The following FHIP1A variants were observed in gnomAD, a reference collection of about 807,000 sequenced individuals.
FHIP1A encodes FHF complex subunit HOOK-interacting protein 1A.
FHIP1A carries 61 observed loss-of-function variants against 88.6 expected under a neutral mutation model. The ratio of observed to expected loss-of-function variants is 0.69; its 90% CI spans 0.56 to 0.85. FHIP1A has a LOEUF of 0.85. Ranked by LOEUF, FHIP1A falls within the 40% of genes least tolerant of loss-of-function variation. FHIP1A has a pLI of 0.00. For missense variants in FHIP1A, 1,154 were observed against 1,273.5 expected (o/e 0.91, Z 1.43); for synonymous variants, 478 against 496.0 (o/e 0.96, Z 0.48).
At chr4:151,467,024 G>A (rs1020363078) in intron 2 of FHIP1A, among the ~76,000 whole-genome samples, 2 of 152,158 alleles carry the variant, frequency 1.3e-5, no homozygotes, top group Admixed American at 1.3e-4. Context: ...AAAGAAACTA[G>A]CATCAGAGTG....
At chr4:151,426,755 T>A (rs1287023704) in intron 1 of FHIP1A, among the ~76,000 whole-genome samples, 1 of 152,196 alleles carries the variant, frequency 6.6e-6, no homozygotes, top group Non-Finnish European at 1.5e-5. Flanking sequence ...CTTCCTGGCA[T>A]AGGCTGGTGG....
intron 2 of FHIP1A, among the ~76,000 whole-genome samples, chr4:151,462,325 T>A (rs1214153024): frequency 6.6e-6 from 1 of 152,146 alleles, no homozygotes; most frequent in Non-Finnish European, 1.5e-5. Context: ...GTACTTCATG[T>A]TCCGTATCTT....
chr4:151,596,942 T>G (rs1240617130), intron 7 of FHIP1A, among the ~76,000 whole-genome samples: 1 of 152,172 alleles, frequency 6.6e-6, no homozygotes, highest in Non-Finnish European at 1.5e-5. Flanking sequence ...TTTTCAAGGT[T>G]CTTAGCTTCC....
intron 7 of FHIP1A, among the ~76,000 whole-genome samples, chr4:151,603,262 A>G (rs11941034): frequency 0.28 from 43,134 of 151,548 alleles, 6,378 homozygotes; most frequent in Non-Finnish European, 0.33. Context: ...GCGGTGAGCC[A>G]AAATCGCACC....
At chr4:151,590,933 A>G (rs748047625) in intron 7 of FHIP1A, among the ~76,000 whole-genome samples, 1 of 152,216 alleles carries the variant, frequency 6.6e-6, no homozygotes, top group Non-Finnish European at 1.5e-5. Flanking sequence ...ATGTTACTGT[A>G]TTAGGTTTGA....
At chr4:151,560,009 A>G (rs1422519078) in intron 3 of FHIP1A, among the ~76,000 whole-genome samples, 1 of 152,166 alleles carries the variant, frequency 6.6e-6, no homozygotes, top group Non-Finnish European at 1.5e-5. Flanking sequence ...GCATCTTTAA[A>G]GTGGGTTTTA....
At chr4:151,511,198 G>A (rs1402555672) in intron 3 of FHIP1A, among the ~76,000 whole-genome samples, 2 of 152,202 alleles carry the variant, frequency 1.3e-5, no homozygotes, top group Non-Finnish European at 2.9e-5. Flanking sequence ...GATGGCCTAG[G>A]TAAATTCACG....
chr4:151,547,479 A>G (rs564190214), intron 3 of FHIP1A, among the ~76,000 whole-genome samples: 2 of 152,304 alleles, frequency 1.3e-5, no homozygotes, highest in African/African-American at 4.8e-5. Flanking sequence ...GTGAATTGAC[A>G]CCTTAGAGAG....
At chr4:151,645,574 A>G (rs1490580743) in intron 9 of FHIP1A, among the ~76,000 whole-genome samples, 2 of 150,992 alleles carry the variant, frequency 1.3e-5, no homozygotes, top group African/African-American at 4.9e-5. Context: ...AATGCCAAAT[A>G]CAGAAGCAAA....
At chr4:151,423,156 T>C (rs541224676) in intron 1 of FHIP1A, among the ~76,000 whole-genome samples, 22 of 152,322 alleles carry the variant, frequency 1.4e-4, no homozygotes, top group South Asian at 8.3e-4. Context: ...ATACAACTTG[T>C]TCTGACAGAG....
chr4:151,558,054 T>A (rs1215063649), intron 3 of FHIP1A, among the ~76,000 whole-genome samples: 1 of 152,210 alleles, frequency 6.6e-6, no homozygotes, highest in Admixed American at 6.5e-5. Context: ...CACAAAATGA[T>A]GCTTGGGACA....
chr4:151,507,432 TAAG>T (rs1472721363), intron 3 of FHIP1A, among the ~76,000 whole-genome samples: 1 of 152,108 alleles, frequency 6.6e-6, no homozygotes, highest in Non-Finnish European at 1.5e-5. Context: ...AATGAGAAAA[TAAG>T]AAAAAATGTG....
rs981506420 is a variant in FHIP1A at position 151,668,958 on chromosome 4, A to G, written c.*6204A>G. Reference sequence around the variant, plus strand: ...CTACAGGTGTGTGGATTCCTGAGACAGATGGCAATGGCATCACCTGTGGTG... The same window carrying G: ...CTACAGGTGTGTGGATTCCTGAGACGGATGGCAATGGCATCACCTGTGGTG... On this transcript the variant is annotated 3_prime_UTR_variant, in exon 14 of 14. Transcript: ENST00000435205. Among the ~76,000 whole-genome samples, 1 of 152,124 alleles carries G rather than the reference A, an allele frequency of 6.6e-6. No individual in the cohort carries two copies. Among genetic ancestry groups the G allele is most frequent in the Non-Finnish European group, 1.5e-5 (1 of 68,020 alleles).
At chr4:151,508,042 G>C (rs931396969) in intron 3 of FHIP1A, among the ~76,000 whole-genome samples, 5 of 152,226 alleles carry the variant, frequency 3.3e-5, no homozygotes, top group Admixed American at 2.0e-4. Flanking sequence ...ACTGGAGGAA[G>C]TGGTACAGGA....
At chr4:151,647,706 G>A (rs1008760155) in intron 10 of FHIP1A, among the ~76,000 whole-genome samples, 12 of 152,066 alleles carry the variant, frequency 7.9e-5, no homozygotes, top group Non-Finnish European at 1.5e-4. Flanking sequence ...AAATTAGTAT[G>A]GATATCTTAT....
chr4:151,589,703 A>G (rs1328516794), intron 7 of FHIP1A, among the ~76,000 whole-genome samples: 3 of 152,296 alleles, frequency 2.0e-5, no homozygotes, highest in South Asian at 2.1e-4. Context: ...TTCAATTTCT[A>G]TGGACTTTTA....
Position 151,669,138 on chromosome 4 carries a change from A to C in FHIP1A, c.*6384A>C, listed in dbSNP as rs1737770122. Among the ~76,000 whole-genome samples, 1 of 152,234 alleles carries C rather than the reference A, an allele frequency of 6.6e-6. No individual in the cohort carries two copies. The highest frequency in any genetic ancestry group is 2.1e-4 in the South Asian group (1 of 4,836). On this transcript the variant is annotated 3_prime_UTR_variant, in exon 14 of 14. Coordinates refer to ENST00000435205, the MANE Select transcript of FHIP1A (RefSeq NM_001109977.3). ...AATTTCTTGGGGTGTTAATGTAAAC[A>C]TATCTTTAGAATATCTCATCGGGTT...
chr4:151,613,420 G>A (rs368906908), intron 7 of FHIP1A, among the ~76,000 whole-genome samples: 2 of 152,112 alleles, frequency 1.3e-5, no homozygotes, highest in African/African-American at 2.4e-5. Flanking sequence ...TCTGTCAAGC[G>A]GGATAACTTG....
At chr4:151,620,197 G>C (rs1326598730) in intron 7 of FHIP1A, among the ~76,000 whole-genome samples, 5 of 152,210 alleles carry the variant, frequency 3.3e-5, no homozygotes, top group Non-Finnish European at 7.3e-5. Context: ...TACTGCACAA[G>C]GGCAGCCTGC....
Sources: allele counts gnomAD v4.1 joint callset (sites outside exome capture counted in the v4.1 genomes callset), GRCh38; gene constraint gnomAD v4.1.1; transcripts MANE v1.5; gene names NCBI Gene and HGNC (gene_info 2026-07-23, HGNC 2026-07-21).